CASD1: variants seen among roughly 807,000 people sequenced by gnomAD.
CASD1 encodes N-acetylneuraminate (7)9-O-acetyltransferase.
A neutral mutation model predicts 100.0 loss-of-function variants in CASD1; 41 were observed. The ratio of observed to expected loss-of-function variants is 0.41; its 90% CI spans 0.32 to 0.53. CASD1 has a LOEUF of 0.53. CASD1 is among the 20% of genes least tolerant of loss of function. CASD1 has a pLI of 0.25. For synonymous variants in CASD1, 321 were observed against 315.6 expected (o/e 1.02, Z -0.18); for missense variants, 774 against 948.7 (o/e 0.82, Z 2.42).
At chr7:94,540,872 C>T (rs1336142168) in intron 10 of CASD1, among the ~76,000 whole-genome samples, 1 of 152,036 alleles carries the variant, frequency 6.6e-6, no homozygotes, top group African/African-American at 2.4e-5. Flanking sequence ...AAGGGTGATA[C>T]TACTGTTTAA....
intron 3 of CASD1, among the ~76,000 whole-genome samples, chr7:94,523,895 T>C (rs1015765365): frequency 1.3e-5 from 2 of 152,098 alleles, no homozygotes; most frequent in Non-Finnish European, 2.9e-5. Context: ...GAAACATGCA[T>C]ATAAAATGAC....
Position 94,510,114 on chromosome 7 carries a change from G to A in CASD1, c.30G>A (p.Lys10=). Residue 10 remains lysine (K), a synonymous_variant, in exon 1 of 18, where the codon AAG becomes AAA. Transcript: ENST00000297273. MAALAYNLG[K]REINHYFSVR... ...CGGCTCTGGCCTACAACCTGGGCAA[G>A]CGGGAGATCAACCACTACTTCAGCG... The A allele has an allele frequency of 1.3e-6, 2 of 1,530,248 alleles. No individual in the cohort carries two copies. The highest frequency in any genetic ancestry group is 8.8e-7 in the Non-Finnish European group (1 of 1,137,306). The allele number at this position is 1,530,248 out of a possible 1,614,324, so 94.8% of individuals were successfully genotyped here.
chr7:94,557,894 A>G (rs1244624140), downstream of CASD1, among the ~76,000 whole-genome samples: 5 of 152,086 alleles, frequency 3.3e-5, no homozygotes, highest in African/African-American at 1.2e-4. Context: ...AAATGTCTTA[A>G]TATTTTATTT....
the CASD1 span, among the ~76,000 whole-genome samples, chr7:94,581,889 C>T: frequency 3.3e-5 from 5 of 151,982 alleles, no homozygotes; most frequent in Non-Finnish European, 5.9e-5. Flanking sequence ...GCGTATATAC[C>T]CAGCAATGGG....
chr7:94,560,098 A>G (rs538696736), downstream of CASD1, among the ~76,000 whole-genome samples: 2 of 152,188 alleles, frequency 1.3e-5, no homozygotes, highest in South Asian at 4.1e-4. Context: ...GCTCTTTCAT[A>G]AGTAGGTTAG....
chr7:94,522,943 G>A (rs1034106543), intron 3 of CASD1, among the ~76,000 whole-genome samples: 1 of 152,216 alleles, frequency 6.6e-6, no homozygotes, highest in African/African-American at 2.4e-5. Context: ...TTACAGGTGT[G>A]AGCCACTGCA....
chr7:94,588,767 T>G, the CASD1 span: 7 of 1,613,108 alleles, frequency 4.3e-6, no homozygotes, highest in Non-Finnish European at 5.9e-6. Flanking sequence ...TAAAACTGTT[T>G]GTTTACACAC....
chr7:94,598,207 T>C, the CASD1 span: 1 of 161,958 alleles, frequency 6.2e-6, no homozygotes, highest in African/African-American at 2.4e-5. Context: ...GTCTACTCCT[T>C]ACAAAGTCCT....
At chr7:94,590,029 G>A in the CASD1 span, 1 of 151,956 alleles carries the variant, frequency 6.6e-6, no homozygotes, top group African/African-American at 2.4e-5. Context: ...ATATTTCCTT[G>A]TATCTATCTG....
intron 13 of CASD1, among the ~76,000 whole-genome samples, chr7:94,547,886 G>A (rs554233642): frequency 6.6e-6 from 1 of 151,740 alleles, no homozygotes; most frequent in South Asian, 2.1e-4. Flanking sequence ...TGTATCAGGT[G>A]GAAGGAAGTG....
rs1022098152 is a variant in CASD1, at chr7:94,533,655, TG to T, written c.505-23del. On this transcript the variant is annotated intron_variant, in intron 6 of 17. Transcript: ENST00000297273. ...TTGTTTGTGATAAATACTAAATTAA[TG>T]CATAATTTGTACTTCTTTTTAGTGG... The T allele has an allele frequency of 2.3e-5, 36 of 1,554,468 alleles. No individual in the cohort carries two copies. In the Admixed American group the frequency reaches 4.4e-4, roughly 19 times the overall value.
chr7:94,628,163 C>CAT, the CASD1 span: 44 of 1,437,872 alleles, frequency 3.1e-5, no homozygotes, highest in South Asian at 1.3e-4. Flanking sequence ...CACACACACA[C>CAT]ATATATGTAT....
chr7:94,572,510 G>C, the CASD1 span, among the ~76,000 whole-genome samples: 4 of 152,044 alleles, frequency 2.6e-5, no homozygotes, highest in Non-Finnish European at 5.9e-5. Context: ...CATATGCTTG[G>C]CCACATGTAT....
chr7:94,617,821 A>G, the CASD1 span: 1 of 152,204 alleles, frequency 6.6e-6, no homozygotes, highest in African/African-American at 2.4e-5. Context: ...CCATGTGTAC[A>G]TAGTTCTCCT....
chr7:94,558,901 G>A (rs1206630870), downstream of CASD1, among the ~76,000 whole-genome samples: 2 of 152,080 alleles, frequency 1.3e-5, no homozygotes, highest in African/African-American at 4.8e-5. Flanking sequence ...CTGGGTTCAA[G>A]CAATTCTCCT....
At chr7:94,622,516 C>G in the CASD1 span, 1 of 151,902 alleles carries the variant, frequency 6.6e-6, no homozygotes, top group Non-Finnish European at 1.5e-5. Context: ...ATAATCCCAC[C>G]TACTCGGGAG....
chr7:94,569,980 AT>A, the CASD1 span, among the ~76,000 whole-genome samples: 1 of 151,408 alleles, frequency 6.6e-6, no homozygotes, highest in African/African-American at 2.4e-5. Flanking sequence ...TGCCCAGCTA[AT>A]TTTTTGTATT....
In CASD1 at chr7:94,535,537, A is replaced by C; in HGVS notation, c.843+14A>C. 6.4e-7 allele frequency: 1 copy of C among 1,574,322 alleles called. No individual in the cohort carries two copies. Among genetic ancestry groups the C allele is most frequent in the Non-Finnish European group, 8.7e-7 (1 of 1,144,522 alleles). ...AGCAGAGAAACTGTGAGAAATTTTTACATATGTCAGTAGATGGAGACTATA... is the reference window on the plus strand; with the variant it reads ...AGCAGAGAAACTGTGAGAAATTTTTCCATATGTCAGTAGATGGAGACTATA... On this transcript the variant is annotated intron_variant, in intron 8 of 17. Coordinates refer to ENST00000297273, the MANE Select transcript of CASD1 (RefSeq NM_022900.5).
the CASD1 span, chr7:94,619,856 C>A: frequency 1.3e-5 from 2 of 152,114 alleles, no homozygotes; most frequent in Non-Finnish European, 2.9e-5. Context: ...ATAATGTGAA[C>A]TTACCTTGTA....
Sources: allele counts gnomAD v4.1 joint callset (sites outside exome capture counted in the v4.1 genomes callset), GRCh38; gene constraint gnomAD v4.1.1; transcripts MANE v1.5; gene names NCBI Gene and HGNC (gene_info 2026-07-23, HGNC 2026-07-21).